Variants in PDXDC1 observed in about 807,000 individuals in gnomAD.
The protein encoded by PDXDC1 is pyridoxal-dependent decarboxylase domain-containing protein 1.
Under a neutral mutation model 100.1 loss-of-function variants are expected in PDXDC1, and 42 were observed. The ratio of observed to expected loss-of-function variants is 0.42; its 90% CI spans 0.33 to 0.54. The LOEUF is 0.54. Ranked by LOEUF, PDXDC1 falls within the 20% of genes least tolerant of loss-of-function variation. PDXDC1 has a pLI of 0.10. For synonymous variants in PDXDC1, 260 were observed against 371.7 expected (o/e 0.70, Z 3.46); for missense variants, 636 against 979.2 (o/e 0.65, Z 4.68).
In PDXDC1 at chr16:15,036,083, C is replaced by T. The variant is rs3198697; in HGVS notation, c.2175C>T (p.His725=). The change falls in exon 23 of 23, where the codon CAC becomes CAT. Residue 725 remains histidine (H), a synonymous_variant. Transcript: ENST00000396410. The part of the protein sequence containing the change: ...DALSETSSVS[H]IEDLEKVERL... Reference sequence around the variant, plus strand: ...TGAGTGAGACCAGCTCAGTCAGTCACATTGAAGACTTAGAAAAGGTGGAGC... The same window carrying T: ...TGAGTGAGACCAGCTCAGTCAGTCATATTGAAGACTTAGAAAAGGTGGAGC... 0.36 allele frequency: 585,439 copies of T among 1,613,794 alleles called. 115,870 individuals carry two copies. The highest frequency in any genetic ancestry group is 0.42 in the Middle Eastern group (2,551 of 6,062).
At chr16:15,068,670 G>A (rs999766340) in intron 16 of PDXDC1, among the ~76,000 whole-genome samples, 5 of 152,228 alleles carry the variant, frequency 3.3e-5, no homozygotes, top group African/African-American at 1.2e-4. Flanking sequence ...ATTCTAGCTT[G>A]CATGTCTTGT....
In PDXDC1 at chr16:15,131,141, T is replaced by C. The variant is rs547673779; in HGVS notation, c.1400-7738T>C. On this transcript the variant is annotated intron_variant, in intron 16 of 16. Transcript: ENST00000535621. The stretch of plus-strand genomic sequence containing the variant: ...TGCAGCACGGCCGCAGGGTTGCTGC[T>C]GTCCAGGGTGACCACAGCACCGACG... 12 of 1,596,558 alleles carry C rather than the reference T, an allele frequency of 7.5e-6. No homozygotes were observed. The South Asian group carries it at 7.7e-5, about 10-fold the overall frequency.
intron 16 of PDXDC1, among the ~76,000 whole-genome samples, chr16:15,128,768 G>A (rs897266212): frequency 2.6e-5 from 4 of 150,986 alleles, no homozygotes; most frequent in African/African-American, 4.9e-5. Context: ...GCGTGAAGCT[G>A]TGTCACCTCC....
downstream of PDXDC1, among the ~76,000 whole-genome samples, chr16:15,141,725 G>A (rs1180338975): frequency 6.6e-6 from 1 of 152,200 alleles, no homozygotes; most frequent in African/African-American, 2.4e-5. Context: ...CCACAGCCAC[G>A]CTGCTAGGCA....
rs776082515 is a variant in PDXDC1 at position 15,028,977 on chromosome 16, C to T, written c.1293+11C>T. 1.2e-6 allele frequency: 2 copies of T among 1,610,370 alleles called. No homozygotes were observed. Among genetic ancestry groups the T allele is most frequent in the Non-Finnish European group, 1.7e-6 (2 of 1,179,150 alleles). On this transcript the variant is annotated intron_variant, in intron 15 of 22. Transcript: ENST00000396410. ...GCGCTGAATCGCTGGGTGAGAATGGCAGTCACCCCCCTTTCCTTTCAGGTC... is the reference window on the plus strand; with the variant it reads ...GCGCTGAATCGCTGGGTGAGAATGGTAGTCACCCCCCTTTCCTTTCAGGTC...
intron 19 of PDXDC1, among the ~76,000 whole-genome samples, chr16:15,033,863 G>C (rs912088722): frequency 2.5e-4 from 38 of 152,128 alleles, no homozygotes; most frequent in African/African-American, 8.9e-4. Flanking sequence ...AGGATACAAG[G>C]CTGATAAGGT....
chr16:15,136,261 A>T (rs2048343047), intron 16 of PDXDC1: 3 of 616,806 alleles, frequency 4.9e-6, no homozygotes, highest in African/African-American at 1.8e-5. Flanking sequence ...GAGCCTGGAG[A>T]GCAGGGCCCA....
chr16:14,977,639 T>TA (rs1478060394), intron 1 of PDXDC1, among the ~76,000 whole-genome samples: 1 of 152,286 alleles, frequency 6.6e-6, no homozygotes, highest in Non-Finnish European at 1.5e-5. Context: ...ACGATTTATA[T>TA]TGGTGCTAAT....
chr16:15,031,137 C>CTTTT (rs1270155714), intron 16 of PDXDC1, among the ~76,000 whole-genome samples: 27,268 of 111,862 alleles, frequency 0.24, 3,401 homozygotes, highest in Admixed American at 0.36. Flanking sequence ...TTTTTTTTTC[C>CTTTT]ATAGAGACGT....
chr16:14,985,338 A>C (rs1969103445), intron 1 of PDXDC1, among the ~76,000 whole-genome samples: 1 of 128,244 alleles, frequency 7.8e-6, no homozygotes. Context: ...CCCAGGCTGG[A>C]GTGCAGTGGC....
At chr16:14,981,699 A>G (rs1195590559) in intron 1 of PDXDC1, among the ~76,000 whole-genome samples, 1 of 152,296 alleles carries the variant, frequency 6.6e-6, no homozygotes, top group Non-Finnish European at 1.5e-5. Flanking sequence ...TAGCATCTCC[A>G]ACGTATATCT....
chr16:15,065,248 G>A (rs766503968), intron 16 of PDXDC1: 3 of 1,613,814 alleles, frequency 1.9e-6, no homozygotes, highest in Non-Finnish European at 8.5e-7. Flanking sequence ...CAAAGGGGAA[G>A]AAGGTGTCCA....
At position 15,028,895 on chromosome 16, in the gene PDXDC1, G is replaced by A. The variant is rs138868546; in HGVS notation, c.1222G>A (p.Val408Ile). The change falls in exon 15 of 23, where the codon GTC (valine) becomes ATC (isoleucine). Residue 408 changes from valine to isoleucine, a missense_variant. Physicochemically the swap from Val to Ile is conservative, Grantham distance 29. This residue lies in a region of PDXDC1 where 44 missense variants were observed against 46.9 expected (regional missense o/e 0.94). Transcript: ENST00000396410. Reference protein sequence around the residue: ...LPGSDPVFKAVPVPNMTPSGV... With the variant: ...LPGSDPVFKAIPVPNMTPSGV... ...GGTGTCAGATCCGGTGTTTAAAGCC[G>A]TCCCAGTGCCCAACATGACACCTTC... 108 of 1,613,802 alleles carry A rather than the reference G, an allele frequency of 6.7e-5. No individual in the cohort carries two copies. Among genetic ancestry groups the A allele is most frequent in the African/African-American group, 1.6e-4 (12 of 74,956 alleles).
chr16:15,002,842 A>G (rs937916581), intron 4 of PDXDC1, among the ~76,000 whole-genome samples: 3 of 152,160 alleles, frequency 2.0e-5, no homozygotes, highest in African/African-American at 7.2e-5. Context: ...TTGATAAGTG[A>G]TATTCTGATG....
chr16:14,993,607 G>T (rs1420460112), intron 1 of PDXDC1, among the ~76,000 whole-genome samples: 1 of 152,298 alleles, frequency 6.6e-6, no homozygotes, highest in Admixed American at 6.5e-5. Context: ...AAACATACGT[G>T]TGCATGTGTC....
At chr16:14,984,315 C>CT (rs1167894912) in intron 1 of PDXDC1, among the ~76,000 whole-genome samples, 18,212 of 107,712 alleles carry the variant, frequency 0.17, 585 homozygotes, top group Non-Finnish European at 0.23. Context: ...GCACCCCCGC[C>CT]TTTTTTTTTT....
At chr16:15,043,896 C>T (rs541653188) in intron 16 of PDXDC1, among the ~76,000 whole-genome samples, 7 of 151,638 alleles carry the variant, frequency 4.6e-5, no homozygotes, top group East Asian at 3.9e-4. Context: ...TGCAGTGAGC[C>T]GAGATCATGC....
intron 16 of PDXDC1, chr16:15,135,821 T>C (rs1445047596): frequency 1.1e-5 from 16 of 1,488,460 alleles, no homozygotes; most frequent in Non-Finnish European, 1.2e-5. Context: ...CACCGTCACA[T>C]TGGCCTGGAT....
At chr16:15,128,228 C>T (rs750892283) in intron 16 of PDXDC1, 44 of 1,611,144 alleles carry the variant, frequency 2.7e-5, no homozygotes, top group Admixed American at 3.3e-5. Flanking sequence ...AGACCTTTGT[C>T]GTGCCACACT....
Sources: gnomAD v4.1 joint callset for allele counts (sites outside exome capture counted in the v4.1 genomes callset) on GRCh38, gnomAD v4.1.1 for gene constraint, gnomAD v4.1.1 regional missense constraint, MANE v1.5 for transcripts, NCBI Gene and HGNC (gene_info 2026-07-23, HGNC 2026-07-21) for gene names.